The following CBLB variants were observed in gnomAD, a reference collection of about 807,000 sequenced individuals.
CBLB encodes Cbl proto-oncogene B.
Under a neutral mutation model 104.9 loss-of-function variants are expected in CBLB, and 31 were observed. That is an observed-to-expected ratio of 0.30 (90% CI 0.22 to 0.40). CBLB has a LOEUF of 0.40. Among genes scored for constraint, CBLB ranks in the 10% least tolerant of loss-of-function variants. The pLI, the probability that CBLB is intolerant of heterozygous loss-of-function variation, is 1.00. For missense variants in CBLB, 1,062 were observed against 1,214.6 expected, an observed-to-expected ratio of 0.87 and a Z score of 1.87; for synonymous variants, 440 against 422.6, an observed-to-expected ratio of 1.04 and a Z score of -0.51.
chr3:105,679,335 TTAAAAAAAAA>T (rs1162883053), intron 16 of CBLB, among the ~76,000 whole-genome samples: 12 of 75,156 alleles, frequency 1.6e-4, no homozygotes, highest in Admixed American at 5.7e-4. Flanking sequence ...CCTTGAGTCT[TTAAAAAAAAA>T]AAAAAAAAAA....
chr3:105,741,956 A>G (rs1056639224), intron 6 of CBLB, among the ~76,000 whole-genome samples: 7 of 152,250 alleles, frequency 4.6e-5, no homozygotes, highest in Admixed American at 6.5e-5. Context: ...AAGTTAAGAT[A>G]GTTCAAAAAT....
At chr3:105,703,290 A>G (rs963996631) in intron 11 of CBLB, among the ~76,000 whole-genome samples, 2 of 152,206 alleles carry the variant, frequency 1.3e-5, no homozygotes, top group African/African-American at 4.8e-5. Context: ...TTAACTGGTA[A>G]TACAGGAAAA....
At chr3:105,804,241 C>T (rs975666138) in intron 3 of CBLB, among the ~76,000 whole-genome samples, 10 of 152,064 alleles carry the variant, frequency 6.6e-5, no homozygotes, top group Non-Finnish European at 1.0e-4. Flanking sequence ...AAATGTAAAG[C>T]CGGGCGTGGT....
chr3:105,695,489 C>T (rs1388809652), intron 12 of CBLB, among the ~76,000 whole-genome samples: 1 of 151,714 alleles, frequency 6.6e-6, no homozygotes, highest in Admixed American at 6.6e-5. Flanking sequence ...ACAAGTCATA[C>T]AGGCAATGAT....
chr3:105,731,720 T>C (rs1386665011), intron 9 of CBLB, among the ~76,000 whole-genome samples: 1 of 152,180 alleles, frequency 6.6e-6, no homozygotes, highest in Non-Finnish European at 1.5e-5. Flanking sequence ...CCCAAAGTAC[T>C]GGGATTTAAG....
intron 12 of CBLB, 127 bp from the exon 13 acceptor site, chr3:105,693,715 A>T (rs1005934404): frequency 1.4e-6 from 1 of 705,600 alleles, no homozygotes; most frequent in Non-Finnish European, 2.6e-6. Context: ...AATGTCATAC[A>T]ATTTATTCAG....
chr3:105,725,290 T>A (rs912780087), intron 9 of CBLB, among the ~76,000 whole-genome samples: 3 of 152,202 alleles, frequency 2.0e-5, no homozygotes, highest in African/African-American at 4.8e-5. Context: ...GAATCCAATT[T>A]AAAATTTTAA....
chr3:105,850,176 T>C (rs1261725750), intron 3 of CBLB, among the ~76,000 whole-genome samples: 1 of 152,126 alleles, frequency 6.6e-6, no homozygotes, highest in African/African-American at 2.4e-5. Context: ...ACGAGTATGT[T>C]TGGGTTCATC....
chr3:105,773,033 CAGATACCTGGTCAAAGGAAA>C (rs1490671760), intron 4 of CBLB, among the ~76,000 whole-genome samples: 8 of 152,110 alleles, frequency 5.3e-5, no homozygotes, highest in Non-Finnish European at 1.2e-4. Context: ...AATCCACTGC[CAGATACCTGGTCAAAGGAAA>C]AGAAGTCATT....
At chr3:105,704,373 T>C (rs1248134232) in intron 10 of CBLB, among the ~76,000 whole-genome samples, 200 bp from the exon 11 acceptor site, 1 of 152,160 alleles carries the variant, frequency 6.6e-6, no homozygotes, top group African/African-American at 2.4e-5. Context: ...AAAAGACTGA[T>C]AAGTTTTTCC....
At chr3:105,817,987 A>T (rs1041298594) in intron 3 of CBLB, among the ~76,000 whole-genome samples, 1 of 152,084 alleles carries the variant, frequency 6.6e-6, no homozygotes, top group Non-Finnish European at 1.5e-5. Flanking sequence ...AAAATAAACA[A>T]TTTTTTTCCC....
intron 17 of CBLB, chr3:105,673,349 ATGAGCCTGTACCTGGCC>A (rs2065271236): frequency 6.6e-6 from 1 of 152,226 alleles, no homozygotes; most frequent in Non-Finnish European, 1.5e-5. Flanking sequence ...GATTACAGGC[ATGAGCCTGTACCTGGCC>A]TGGAATGTTT....
At chr3:105,805,402 T>A (rs2083376271) in intron 3 of CBLB, among the ~76,000 whole-genome samples, 1 of 151,812 alleles carries the variant, frequency 6.6e-6, no homozygotes, top group Non-Finnish European at 1.5e-5. Context: ...CCTTCCAGGT[T>A]CAAGCGATTC....
intron 3 of CBLB, among the ~76,000 whole-genome samples, chr3:105,803,699 T>C (rs370681125): frequency 1.3e-5 from 2 of 152,142 alleles, no homozygotes; most frequent in Non-Finnish European, 2.9e-5. Flanking sequence ...AAAATCAAAA[T>C]AATTTGGAAG....
chr3:105,859,606 G>T lies in CBLB; in HGVS notation c.169-5942C>A, dbSNP rs188515945. 4.9e-3 allele frequency among the ~76,000 whole-genome samples: 725 copies of T among 147,682 alleles called. 7 individuals carry two copies. The highest frequency in any genetic ancestry group is 0.017 in the African/African-American group (686 of 39,728). ...GGAGACGGAGCTTGCAGTGAGCCGA[G>T]ATCGTGCCACTGCACTCCAGCACTC... is the stretch of plus-strand genomic sequence containing the variant. On this transcript the variant is annotated intron_variant, in intron 2 of 18. Coordinates refer to ENST00000394030, the MANE Select transcript of CBLB (RefSeq NM_170662.5).
At chr3:105,815,889 T>C (rs2084976182) in intron 3 of CBLB, among the ~76,000 whole-genome samples, 1 of 152,156 alleles carries the variant, frequency 6.6e-6, no homozygotes, top group African/African-American at 2.4e-5. Context: ...GTTCATGTCC[T>C]TTGCAGGGAC....
chr3:105,811,609 A>G (rs1029174354), intron 3 of CBLB, among the ~76,000 whole-genome samples: 1 of 152,226 alleles, frequency 6.6e-6, no homozygotes, highest in Admixed American at 6.5e-5. Context: ...AACTGGGTAA[A>G]GTTTCAAAAT....
At chr3:105,820,342 T>C (rs569762398) in intron 3 of CBLB, among the ~76,000 whole-genome samples, 2 of 152,144 alleles carry the variant, frequency 1.3e-5, no homozygotes, top group African/African-American at 4.8e-5. Context: ...GTTCCTGATA[T>C]CGGTATCGGT....
Position 105,868,821 on chromosome 3 carries a change from G to C in CBLB, c.-100C>G. On this transcript the variant is annotated 5_prime_UTR_variant, in exon 1 of 19. Coordinates refer to ENST00000394030, the MANE Select transcript of CBLB (RefSeq NM_170662.5). ...CAGCCCAGTGTGTGTGGGGAGCCCC[G>C]GCTGGGAGTGGGATCGCTGAGAACA... 1 of 994,894 alleles carries C rather than the reference G, an allele frequency of 1.0e-6. No individual in the cohort carries two copies. Among genetic ancestry groups the C allele is most frequent in the South Asian group, 4.4e-5 (1 of 22,588 alleles). The allele number at this position is 994,894 out of a possible 1,614,324, so 61.6% of individuals were successfully genotyped here. A position where few individuals can be genotyped will look rare whatever the true frequency, so the allele number is the denominator to read the frequency against.
Sources: allele counts gnomAD v4.1 joint callset (sites outside exome capture counted in the v4.1 genomes callset), GRCh38; gene constraint gnomAD v4.1.1; transcripts MANE v1.5; gene names NCBI Gene and HGNC (gene_info 2026-07-23, HGNC 2026-07-21).